Variants in SLC3A1 observed in about 807,000 individuals in gnomAD.
The protein encoded by SLC3A1 is solute carrier family 3 member 1, also known as amino acid transporter heavy chain SLC3A1.
SLC3A1 carries 78 observed loss-of-function variants against 60.3 expected under a neutral mutation model. The observed-to-expected ratio is 1.29, with a 90% confidence interval of 1.08 to 1.56. The LOEUF (loss-of-function observed/expected upper bound fraction) is 1.56, where lower values mean the gene tolerates loss of function less well. Ranked by LOEUF, SLC3A1 falls within the 40% of genes most tolerant of loss-of-function variation. SLC3A1 has a pLI of 0.00. For synonymous variants in SLC3A1, 392 were observed against 307.9 expected (o/e 1.27, Z -2.86); for missense variants, 1,172 against 858.9 (o/e 1.36, Z -4.56).
chr2:44,278,609 C>T (rs1671404990), intron 1 of SLC3A1, among the ~76,000 whole-genome samples: 1 of 152,134 alleles, frequency 6.6e-6, no homozygotes, highest in African/African-American at 2.4e-5. Flanking sequence ...TAGGAAGTCA[C>T]ATCAGGATTA....
Position 44,300,282 on chromosome 2 carries a change from T to A in SLC3A1, c.1011+192T>A, listed in dbSNP as rs111749604. Among the ~76,000 whole-genome samples, 3,176 of 152,222 alleles carry A rather than the reference T, an allele frequency of 0.021. 128 individuals carry two copies. Among genetic ancestry groups the A allele is most frequent in the African/African-American group, 0.073 (3,050 of 41,506 alleles). On this transcript the variant is annotated intron_variant, in intron 5 of 9. Coordinates refer to ENST00000260649, the MANE Select transcript of SLC3A1 (RefSeq NM_000341.4). ...GCACTCGATGTTTTTTTCCACTGGTTCCCTCCAGAGCGAGGGATCCCTTGA... is the reference window on the plus strand; with the variant it reads ...GCACTCGATGTTTTTTTCCACTGGTACCCTCCAGAGCGAGGGATCCCTTGA...
chr2:44,288,394 C>G (rs1041512853), intron 4 of SLC3A1, among the ~76,000 whole-genome samples: 1 of 151,734 alleles, frequency 6.6e-6, no homozygotes, highest in Non-Finnish European at 1.5e-5. Context: ...CCTTATGGCC[C>G]CCTCCCTTTC....
Position 44,301,126 on chromosome 2 carries a change from AG to A in SLC3A1, c.1136+1del. The A allele has an allele frequency of 6.2e-7, 1 of 1,609,694 alleles. No individual in the cohort carries two copies. On this transcript the variant is annotated frameshift_variant and splice_region_variant, in exon 6 of 10. Transcript: ENST00000260649. LOFTEE classifies it high-confidence loss of function. The part of the protein sequence containing the change: ...DQYSTEPGRY[R>X]FMGTEAYAES... ...ATACAGCACGGAGCCCGGCAGATACAGGTTGACCACGGCATATGCTCTCATT... is the reference window on the plus strand; with the variant it reads ...ATACAGCACGGAGCCCGGCAGATACAGTTGACCACGGCATATGCTCTCATT...
chr2:44,309,488 G>C (rs1393873875), intron 7 of SLC3A1, among the ~76,000 whole-genome samples: 1 of 150,688 alleles, frequency 6.6e-6, no homozygotes, highest in African/African-American at 2.4e-5. Flanking sequence ...GCCTCCTTTT[G>C]GCTGTTGGAA....
chr2:44,281,602 G>A, intron 3 of SLC3A1, 61 bp downstream of exon 3: 1 of 1,511,340 alleles, frequency 6.6e-7, no homozygotes. Flanking sequence ...TGATTGAACT[G>A]ATTTAGTAAA....
At chr2:44,299,285 T>C (rs1671939652) in intron 4 of SLC3A1, among the ~76,000 whole-genome samples, 1 of 152,328 alleles carries the variant, frequency 6.6e-6, no homozygotes, top group East Asian at 1.9e-4. Flanking sequence ...GTGATCCGCC[T>C]GCCTCGGCCT....
At position 44,320,707 on chromosome 2, in the gene SLC3A1, G is replaced by T. The variant is rs903552003; in HGVS notation, c.*68G>T. On this transcript the variant is annotated 3_prime_UTR_variant, in exon 10 of 10. Coordinates refer to ENST00000260649, the MANE Select transcript of SLC3A1 (RefSeq NM_000341.4). ...TTGTAAGCATTTGTAATAGCTTCATGTACAGCATGCTGCTTGGTGAACAAT... is the reference window on the plus strand; with the variant it reads ...TTGTAAGCATTTGTAATAGCTTCATTTACAGCATGCTGCTTGGTGAACAAT... 5 of 1,177,306 alleles carry T rather than the reference G, an allele frequency of 4.2e-6. No individual in the cohort carries two copies. The African/African-American group carries it at 6.0e-5, about 14-fold the overall frequency. The allele number at this position is 1,177,306 out of a possible 1,614,324, so 72.9% of individuals were successfully genotyped here. A position where few individuals can be genotyped will look rare whatever the true frequency, so the allele number is the denominator to read the frequency against.
Position 44,281,541 on chromosome 2 carries a change from G to C in SLC3A1, c.765G>C (p.Trp255Cys). The change falls in exon 3 of 10, where the codon TGG becomes TGC. Residue 255 changes from tryptophan to cysteine, a missense_variant and splice_region_variant. Transcript: ENST00000260649. ...GCAAAACCATTCCACCCAACAACTG[G>C]GTAAGTATCAACCTGTCTGACTTAC... ...ENGKTIPPNN[W>C]LSVYGNSSWH... is the part of the protein sequence containing the mutation. 1.2e-6 allele frequency: 2 copies of C among 1,613,888 alleles called. No individual in the cohort carries two copies. The highest frequency in any genetic ancestry group is 1.7e-6 in the Non-Finnish European group (2 of 1,179,840).
intron 7 of SLC3A1, among the ~76,000 whole-genome samples, chr2:44,308,410 G>C (rs574533516): frequency 5.0e-4 from 76 of 152,292 alleles, no homozygotes; most frequent in African/African-American, 6.5e-4. Flanking sequence ...GGATTGCATT[G>C]AATCTGTTTA....
At chr2:44,320,110 G>T in intron 9 of SLC3A1, 89 bp from the exon 10 acceptor site, 2 of 1,175,418 alleles carry the variant, frequency 1.7e-6, no homozygotes, top group Non-Finnish European at 2.4e-6. Context: ...CAAGTGTTTT[G>T]GGTAAATAAC....
At chr2:44,286,650 G>T (rs1270783579) in intron 4 of SLC3A1, among the ~76,000 whole-genome samples, 2 of 151,068 alleles carry the variant, frequency 1.3e-5, no homozygotes, top group Non-Finnish European at 1.5e-5. Flanking sequence ...CACTGTCTGT[G>T]ACGGTGAGCT....
chr2:44,284,245 A>G (rs1237677027), intron 3 of SLC3A1, among the ~76,000 whole-genome samples: 1 of 151,930 alleles, frequency 6.6e-6, no homozygotes, highest in African/African-American at 2.4e-5. Context: ...ATGCCCACCT[A>G]ATTTTTGTAT....
intron 7 of SLC3A1, among the ~76,000 whole-genome samples, chr2:44,305,943 C>G (rs1308087543): frequency 6.6e-6 from 1 of 152,108 alleles, no homozygotes; most frequent in Non-Finnish European, 1.5e-5. Flanking sequence ...ATTCTCTTTC[C>G]TTAAAGTCCA....
chr2:44,308,936 G>T (rs1000702200), intron 7 of SLC3A1, among the ~76,000 whole-genome samples: 1 of 152,072 alleles, frequency 6.6e-6, no homozygotes, highest in Non-Finnish European at 1.5e-5. Flanking sequence ...GTTTCACCGT[G>T]TTAGCCAAGA....
At chr2:44,312,458 C>G in intron 7 of SLC3A1, 128 bp from the exon 8 acceptor site, 1 of 951,924 alleles carries the variant, frequency 1.1e-6, no homozygotes, top group Non-Finnish European at 1.7e-6. Context: ...GGACTCAAGT[C>G]CAGGCTTGCT....
chr2:44,317,370 G>A (rs1672510049), intron 9 of SLC3A1, among the ~76,000 whole-genome samples: 1 of 151,862 alleles, frequency 6.6e-6, no homozygotes, highest in Admixed American at 6.6e-5. Flanking sequence ...GCTGAGGTGG[G>A]AGGATCACTT....
chr2:44,295,829 G>A (rs1379271248), intron 4 of SLC3A1, among the ~76,000 whole-genome samples: 2 of 152,146 alleles, frequency 1.3e-5, no homozygotes, highest in African/African-American at 4.8e-5. Context: ...GTCAGAGGCC[G>A]CTTGGATGCC....
intron 4 of SLC3A1, among the ~76,000 whole-genome samples, chr2:44,286,995 C>T (rs1176045207): frequency 6.6e-6 from 1 of 152,160 alleles, no homozygotes; most frequent in East Asian, 1.9e-4. Flanking sequence ...ATATTTGTCT[C>T]ATAGGGCTGT....
intron 1 of SLC3A1, among the ~76,000 whole-genome samples, chr2:44,276,694 G>A (rs555727266): frequency 7.3e-5 from 11 of 150,720 alleles, no homozygotes; most frequent in African/African-American, 1.7e-4. Context: ...GGGAGACCCC[G>A]TCTCCAAAAA....
Sources: allele counts gnomAD v4.1 joint callset (sites outside exome capture counted in the v4.1 genomes callset), GRCh38; gene constraint gnomAD v4.1.1; transcripts MANE v1.5; gene names NCBI Gene and HGNC (gene_info 2026-07-23, HGNC 2026-07-21).